The following CNTNAP2 variants were observed in gnomAD, a reference collection of about 807,000 sequenced individuals.
CNTNAP2 encodes contactin associated protein 2, also known as contactin-associated protein-like 2.
In CNTNAP2, 98 loss-of-function variants were observed where a neutral mutation model predicts 155.2. The ratio of observed to expected loss-of-function variants is 0.63; its 90% CI spans 0.54 to 0.75. The LOEUF is 0.75. CNTNAP2 is among the 30% of genes least tolerant of loss of function. The probability of loss-of-function intolerance (pLI) is 0.00; values close to 1 mark genes in which losing one functional copy is unlikely to be tolerated. For missense variants in CNTNAP2, 1,727 were observed against 1,688.1 expected, an observed-to-expected ratio of 1.02 and a Z score of -0.40; for synonymous variants, 651 against 631.2, an observed-to-expected ratio of 1.03 and a Z score of -0.47.
At chr7:146,744,688 A>G (rs1025958912) in intron 1 of CNTNAP2, among the ~76,000 whole-genome samples, 1 of 152,174 alleles carries the variant, frequency 6.6e-6, no homozygotes, top group African/African-American at 2.4e-5. Flanking sequence ...TGTCACACCA[A>G]TTAAATAAAA....
At chr7:146,737,591 T>C (rs1377143476) in intron 1 of CNTNAP2, among the ~76,000 whole-genome samples, 1 of 152,160 alleles carries the variant, frequency 6.6e-6, no homozygotes, top group Admixed American at 6.5e-5. Flanking sequence ...TATACGCTTA[T>C]AACTTATGTG....
At chr7:146,260,671 G>A (rs879585647) in intron 1 of CNTNAP2, among the ~76,000 whole-genome samples, 7 of 152,214 alleles carry the variant, frequency 4.6e-5, no homozygotes, top group African/African-American at 7.2e-5. Context: ...TGGAATGAGA[G>A]CATTTGTCCC....
intron 3 of CNTNAP2, among the ~76,000 whole-genome samples, chr7:146,934,474 G>A (rs1383103057): frequency 6.6e-6 from 1 of 150,780 alleles, no homozygotes; most frequent in Non-Finnish European, 1.5e-5. Flanking sequence ...GGGAGGGAGA[G>A]CAATAGGAGA....
chr7:147,943,745 C>A (rs1800768286), intron 14 of CNTNAP2, among the ~76,000 whole-genome samples: 1 of 106,868 alleles, frequency 9.4e-6, no homozygotes, highest in Non-Finnish European at 1.7e-5. Flanking sequence ...CCAGCCTGAG[C>A]AACAAAGTGA....
intron 2 of CNTNAP2, among the ~76,000 whole-genome samples, chr7:146,780,074 A>T (rs1802456472): frequency 6.6e-6 from 1 of 152,182 alleles, no homozygotes; most frequent in Non-Finnish European, 1.5e-5. Flanking sequence ...CTGGTTCTAG[A>T]TCCTTGAGGA....
chr7:147,038,737 A>G (rs1236198181), intron 3 of CNTNAP2, among the ~76,000 whole-genome samples: 1 of 152,190 alleles, frequency 6.6e-6, no homozygotes, highest in Non-Finnish European at 1.5e-5. Flanking sequence ...ATATTATTTC[A>G]TCTATCATTT....
intron 14 of CNTNAP2, among the ~76,000 whole-genome samples, chr7:147,975,997 T>C (rs1443028312): frequency 6.6e-6 from 1 of 152,188 alleles, no homozygotes; most frequent in Non-Finnish European, 1.5e-5. Context: ...TTCTTACCTC[T>C]GTAGTTGCAT....
intron 1 of CNTNAP2, among the ~76,000 whole-genome samples, chr7:146,632,962 A>C (rs1259713344): frequency 6.6e-6 from 1 of 151,930 alleles, no homozygotes; most frequent in Admixed American, 6.5e-5. Context: ...AATACAAAAT[A>C]TCGGAAGAAT....
chr7:146,350,894 C>A (rs1794903628), intron 1 of CNTNAP2, among the ~76,000 whole-genome samples: 1 of 151,682 alleles, frequency 6.6e-6, no homozygotes, highest in African/African-American at 2.4e-5. Context: ...ATGGATGAAA[C>A]TGGAAACCAT....
chr7:146,569,543 C>T (rs142683780), intron 1 of CNTNAP2, among the ~76,000 whole-genome samples: 1 of 152,238 alleles, frequency 6.6e-6, no homozygotes, highest in East Asian at 1.9e-4. Context: ...TAATCCTTTC[C>T]AACGCTCTGA....
At chr7:148,175,405 A>G (rs2116695321) in intron 18 of CNTNAP2, among the ~76,000 whole-genome samples, 1 of 152,306 alleles carries the variant, frequency 6.6e-6, no homozygotes, top group African/African-American at 2.4e-5. Flanking sequence ...ATTAGATATT[A>G]TTGGACCATC....
chr7:146,464,187 G>GTTTTTTTTTTTTTTTTTTT (rs369508603), intron 1 of CNTNAP2, among the ~76,000 whole-genome samples: 5 of 91,556 alleles, frequency 5.5e-5, no homozygotes, highest in African/African-American at 1.9e-4. Context: ...CTTTGAAACT[G>GTTTTTTTTTTTTTTTTTTT]TTTTTTTTTT....
intron 3 of CNTNAP2, among the ~76,000 whole-genome samples, chr7:147,011,516 T>C (rs1228288726): frequency 6.7e-6 from 1 of 150,258 alleles, no homozygotes; most frequent in Non-Finnish European, 1.5e-5. Context: ...AAACTAAATG[T>C]GACATGGGAT....
At chr7:147,709,895 T>C (rs917163330) in intron 13 of CNTNAP2, among the ~76,000 whole-genome samples, 1 of 152,164 alleles carries the variant, frequency 6.6e-6, no homozygotes, top group African/African-American at 2.4e-5. Flanking sequence ...TATTTTTTTC[T>C]TTTGCTCCTT....
chr7:147,618,610 G>T (rs1801335737), intron 12 of CNTNAP2, among the ~76,000 whole-genome samples: 1 of 146,942 alleles, frequency 6.8e-6, no homozygotes, highest in African/African-American at 2.6e-5. Context: ...GAATAACATA[G>T]AAAAGAATCA....
At chr7:147,128,107 T>C (rs988667227) in intron 6 of CNTNAP2, among the ~76,000 whole-genome samples, 4 of 152,188 alleles carry the variant, frequency 2.6e-5, no homozygotes, top group African/African-American at 9.6e-5. Context: ...CAGCTCAACT[T>C]TGAGTTCCCA....
At chr7:146,178,269 G>A (rs1296318426) in intron 1 of CNTNAP2, among the ~76,000 whole-genome samples, 2 of 152,140 alleles carry the variant, frequency 1.3e-5, no homozygotes, top group Non-Finnish European at 2.9e-5. Context: ...TACCGACCTC[G>A]TGATCCGCCT....
At chr7:147,165,271 A>G (rs1802094203) in intron 8 of CNTNAP2, among the ~76,000 whole-genome samples, 1 of 151,912 alleles carries the variant, frequency 6.6e-6, no homozygotes, top group Admixed American at 6.6e-5. Context: ...ATTTTTTCAC[A>G]TATTTGTTGG....
At chr7:147,218,771 G>T (rs1207143274) in intron 8 of CNTNAP2, among the ~76,000 whole-genome samples, 1 of 152,094 alleles carries the variant, frequency 6.6e-6, no homozygotes, top group Non-Finnish European at 1.5e-5. Context: ...GTTCAACTAT[G>T]TTTTTACTGA....
Sources: allele counts gnomAD v4.1 joint callset (sites outside exome capture counted in the v4.1 genomes callset), GRCh38; gene constraint gnomAD v4.1.1; transcripts MANE v1.5; gene names NCBI Gene and HGNC (gene_info 2026-07-23, HGNC 2026-07-21).